ARFGEF3: variants seen among roughly 807,000 people sequenced by gnomAD.
The protein encoded by ARFGEF3 is brefeldin A-inhibited guanine nucleotide-exchange protein 3.
A neutral mutation model predicts 221.7 loss-of-function variants in ARFGEF3; 96 were observed. That is an observed-to-expected ratio of 0.43 (90% CI 0.37 to 0.51). ARFGEF3 has a LOEUF of 0.51. Ranked by LOEUF, ARFGEF3 falls within the 20% of genes least tolerant of loss-of-function variation. The pLI, the probability that ARFGEF3 is intolerant of heterozygous loss-of-function variation, is 0.00. For missense variants in ARFGEF3, 2,410 were observed against 2,789.9 expected, an observed-to-expected ratio of 0.86 and a Z score of 3.07; for synonymous variants, 1,145 against 1,126.8, an observed-to-expected ratio of 1.02 and a Z score of -0.32.
chr6:138,302,579 A>G (rs1468523348), intron 22 of ARFGEF3, among the ~76,000 whole-genome samples: 1 of 152,228 alleles, frequency 6.6e-6, no homozygotes, highest in African/African-American at 2.4e-5. Flanking sequence ...AAAGATATCT[A>G]CAATAGACAC....
At chr6:138,185,144 C>T (rs1339984354) in intron 2 of ARFGEF3, among the ~76,000 whole-genome samples, 1 of 152,154 alleles carries the variant, frequency 6.6e-6, no homozygotes, top group Non-Finnish European at 1.5e-5. Context: ...GAGAGGGGTA[C>T]CCTCTCAGTC....
At chr6:138,243,760 A>G (rs1395122075) in intron 7 of ARFGEF3, among the ~76,000 whole-genome samples, 2 of 152,182 alleles carry the variant, frequency 1.3e-5, no homozygotes, top group Non-Finnish European at 2.9e-5. Context: ...AAACAGCTTA[A>G]TAGCCACAAT....
At chr6:138,238,269 T>C (rs1036082563) in intron 5 of ARFGEF3, among the ~76,000 whole-genome samples, 2 of 152,200 alleles carry the variant, frequency 1.3e-5, no homozygotes, top group African/African-American at 4.8e-5. Flanking sequence ...TCCCCTATGA[T>C]GCTCAGAGGA....
intron 13 of ARFGEF3, 89 bp downstream of exon 13, chr6:138,278,706 C>A: frequency 7.1e-7 from 1 of 1,415,902 alleles, no homozygotes; most frequent in South Asian, 1.3e-5. Context: ...AGTGGGATGG[C>A]ACAGCGTGTT....
Position 138,286,716 on chromosome 6 carries a change from G to A in ARFGEF3, c.2585G>A (p.Arg862His), listed in dbSNP as rs368999451. The change falls in exon 16 of 34, where the codon CGC (arginine) becomes CAC (histidine). Residue 862 changes from arginine (R) to histidine (H), a missense_variant. Physicochemically the swap from Arg to His is conservative, Grantham distance 29. This residue lies in a region of ARFGEF3 where 594 missense variants were observed against 734.3 expected (regional missense o/e 0.81). Coordinates refer to ENST00000251691, the MANE Select transcript of ARFGEF3 (RefSeq NM_020340.5). ...DSTVAGVAFA[R>H]YILVGCWKNL... is the part of the protein sequence containing the mutation. ...CATGTTCCAGGCGTGGCATTTGCTC[G>A]CTATATTCTGGTGGGCTGCTGGAAG... 5.0e-6 allele frequency: 8 copies of A among 1,613,884 alleles called. No individual in the cohort carries two copies. Among genetic ancestry groups the A allele is most frequent in the African/African-American group, 2.7e-5 (2 of 74,910 alleles).
At chr6:138,268,380 C>G (rs998085452) in intron 12 of ARFGEF3, among the ~76,000 whole-genome samples, 1 of 152,182 alleles carries the variant, frequency 6.6e-6, no homozygotes, top group Non-Finnish European at 1.5e-5. Flanking sequence ...GTCCATCAAG[C>G]CTTCATCCCT....
Position 138,344,193 on chromosome 6 carries a change from T to C in ARFGEF3, c.*7707T>C, listed in dbSNP as rs568049719. ...ATGCCAAAGAATCAACTTATTTTCA[T>C]TGAAGATTATAAATAAATGAAGCTT... On this transcript the variant is annotated 3_prime_UTR_variant, in exon 34 of 34. Coordinates refer to ENST00000251691, the MANE Select transcript of ARFGEF3 (RefSeq NM_020340.5). The C allele has an allele frequency of 2.0e-5, 3 of 152,186 alleles. No homozygotes were observed. The highest frequency in any genetic ancestry group is 3.8e-4 in the East Asian group (2 of 5,200). The allele number at this position is 152,186 out of a possible 1,614,324, so 9.4% of individuals were successfully genotyped here. A position where few individuals can be genotyped will look rare whatever the true frequency, so the allele number is the denominator to read the frequency against.
intron 5 of ARFGEF3, among the ~76,000 whole-genome samples, chr6:138,233,507 G>A (rs150884208): frequency 5.3e-4 from 80 of 152,218 alleles, no homozygotes; most frequent in African/African-American, 1.7e-3. Context: ...CTCCCGAGTA[G>A]CTGGGATTAC....
At chr6:138,312,448 G>A (rs1387306871) in intron 25 of ARFGEF3, among the ~76,000 whole-genome samples, 1 of 151,996 alleles carries the variant, frequency 6.6e-6, no homozygotes, top group Non-Finnish European at 1.5e-5. Context: ...CCTCCCCCAG[G>A]CCCCATATGA....
chr6:138,265,469 G>A lies in ARFGEF3; in HGVS notation c.2128+1858G>A, dbSNP rs568821780. On this transcript the variant is annotated intron_variant, in intron 12 of 33. Coordinates refer to ENST00000251691, the MANE Select transcript of ARFGEF3 (RefSeq NM_020340.5). ...AAATTTTGGATTTTTTTATTTGTGT[G>A]TGTAACAAAATTCACGTTTTATTGG... Among the ~76,000 whole-genome samples, 24 of 151,846 alleles carry A rather than the reference G, an allele frequency of 1.6e-4. 1 individual carries two copies. The South Asian group carries it at 1.7e-3, about 11-fold the overall frequency.
chr6:138,294,626 A>G (rs1192064068), intron 20 of ARFGEF3, among the ~76,000 whole-genome samples: 1 of 152,250 alleles, frequency 6.6e-6, no homozygotes, highest in Non-Finnish European at 1.5e-5. Flanking sequence ...ATGATGGGTC[A>G]GTATCCCTGT....
intron 10 of ARFGEF3, among the ~76,000 whole-genome samples, chr6:138,259,951 T>C (rs1295303613): frequency 6.6e-6 from 1 of 152,162 alleles, no homozygotes; most frequent in East Asian, 1.9e-4. Context: ...CCAGTGAATA[T>C]CTAATTTATT....
rs1233274222 is a variant in ARFGEF3 at position 138,340,841 on chromosome 6, C to T, written c.*4355C>T. On this transcript the variant is annotated 3_prime_UTR_variant, in exon 34 of 34. Coordinates refer to ENST00000251691, the MANE Select transcript of ARFGEF3 (RefSeq NM_020340.5). Reference sequence around the variant, plus strand: ...TAGTATGAAAAAAAGTTTCAAGGAACGAGGCCATGAAAATGAGACTATTTG... The same window carrying T: ...TAGTATGAAAAAAAGTTTCAAGGAATGAGGCCATGAAAATGAGACTATTTG... 6.6e-6 allele frequency: 1 copy of T among 151,978 alleles called. No homozygotes were observed. The highest frequency in any genetic ancestry group is 2.4e-5 in the African/African-American group (1 of 41,368). 9.4% of individuals were successfully genotyped at this position (151,978 alleles called of 1,614,324 possible). A position where few individuals can be genotyped will look rare whatever the true frequency, so the allele number is the denominator to read the frequency against.
At chr6:138,315,066 G>A (rs1201563759) in intron 26 of ARFGEF3, among the ~76,000 whole-genome samples, 1 of 152,150 alleles carries the variant, frequency 6.6e-6, no homozygotes, top group Non-Finnish European at 1.5e-5. Context: ...TTCCATTGGT[G>A]CCTAAGTACT....
Position 138,334,814 on chromosome 6 carries a change from C to G in ARFGEF3, c.5968C>G (p.Pro1990Ala). 6.2e-7 allele frequency: 1 copy of G among 1,602,378 alleles called. No homozygotes were observed. The highest frequency in any genetic ancestry group is 8.5e-7 in the Non-Finnish European group (1 of 1,174,794). Reference protein sequence around the residue: ...KAGGGDLLLPPSPKVEKKDPS... With the variant: ...KAGGGDLLLPASPKVEKKDPS... ...CGGTGGTGGGGACCTGCTGCTGCCC[C>G]CCAGCCCCAAAGTGGAGAAGAAGGA... Residue 1990 changes from proline (P) to alanine (A), a missense_variant, in exon 33 of 34, where the codon CCC becomes GCC. This residue lies in a region of ARFGEF3 where 339 missense variants were observed against 334.9 expected (regional missense o/e 1.01). Coordinates refer to ENST00000251691, the MANE Select transcript of ARFGEF3 (RefSeq NM_020340.5). The surrounding 1 kb of genome is among the most constrained non-coding windows in gnomAD (Gnocchi z 5.1).
chr6:138,325,854 GTTGT>G (rs145699374), intron 31 of ARFGEF3, among the ~76,000 whole-genome samples: 6,510 of 152,094 alleles, frequency 0.043, 180 homozygotes, highest in East Asian at 0.11. Flanking sequence ...TGTTGTTGTT[GTTGT>G]TTGTTTGTTT....
Position 138,336,588 on chromosome 6 carries a change from C to A in ARFGEF3, c.*102C>A. 1 of 898,496 alleles carries A rather than the reference C, an allele frequency of 1.1e-6. No individual in the cohort carries two copies. Among genetic ancestry groups the A allele is most frequent in the Non-Finnish European group, 1.7e-6 (1 of 603,814 alleles). 55.7% of individuals were successfully genotyped at this position (898,496 alleles called of 1,614,324 possible). On this transcript the variant is annotated 3_prime_UTR_variant, in exon 34 of 34. Transcript: ENST00000251691. ...CCCACCACTAGCCCCACTTAAACTA[C>A]TACTACTGTCTCAGAGAACAGTGTT...
intron 2 of ARFGEF3, among the ~76,000 whole-genome samples, chr6:138,197,684 G>A (rs896509466): frequency 1.3e-5 from 2 of 152,102 alleles, no homozygotes; most frequent in Non-Finnish European, 2.9e-5. Context: ...ACCATTGTGC[G>A]GCACATGACT....
Position 138,304,242 on chromosome 6 carries a change from C to G in ARFGEF3, c.3829-3011C>G, listed in dbSNP as rs75053457. On this transcript the variant is annotated intron_variant, in intron 22 of 33. Transcript: ENST00000251691. ...TACATTAAATGAGAAAAGCCAGTCA[C>G]CAAAGACCATATGTTATATGACTAC... 7.9e-3 allele frequency among the ~76,000 whole-genome samples: 1,198 copies of G among 152,152 alleles called. 6 individuals carry two copies. Among genetic ancestry groups the G allele is most frequent in the Non-Finnish European group, 0.013 (854 of 68,012 alleles).
Sources: allele counts gnomAD v4.1 joint callset (sites outside exome capture counted in the v4.1 genomes callset), GRCh38; gene constraint gnomAD v4.1.1; regional missense constraint gnomAD v4.1.1; non-coding constraint Gnocchi (gnomAD v3.1); transcripts MANE v1.5; gene names NCBI Gene and HGNC (gene_info 2026-07-23, HGNC 2026-07-21).